Variants in PARD3 observed in about 807,000 individuals in gnomAD.
PARD3 encodes the protein partitioning defective 3 homolog.
Under a neutral mutation model 155.4 loss-of-function variants are expected in PARD3, and 75 were observed. The ratio of observed to expected loss-of-function variants is 0.48; its 90% CI spans 0.40 to 0.58. The LOEUF is 0.58. Ranked by LOEUF, PARD3 falls within the 20% of genes least tolerant of loss-of-function variation. The pLI, the probability that PARD3 is intolerant of heterozygous loss-of-function variation, is 0.00. For synonymous variants in PARD3, 576 were observed against 610.5 expected, an observed-to-expected ratio of 0.94 and a Z score of 0.83; for missense variants, 1,642 against 1,721.7, an observed-to-expected ratio of 0.95 and a Z score of 0.82.
At chr10:34,143,446 C>A (rs1948302136) in intron 22 of PARD3, among the ~76,000 whole-genome samples, 1 of 152,150 alleles carries the variant, frequency 6.6e-6, no homozygotes, top group Admixed American at 6.5e-5. Flanking sequence ...ATCATTCAGG[C>A]ATAGAAACTA....
At chr10:34,318,948 G>A (rs535267202) in intron 19 of PARD3, among the ~76,000 whole-genome samples, 1 of 150,722 alleles carries the variant, frequency 6.6e-6, no homozygotes, top group African/African-American at 2.4e-5. Flanking sequence ...TGTATTTTTA[G>A]TAGTTTTGTA....
chr10:34,300,787 T>A (rs1397963695), intron 20 of PARD3, among the ~76,000 whole-genome samples: 1 of 152,158 alleles, frequency 6.6e-6, no homozygotes, highest in African/African-American at 2.4e-5. Context: ...CGAAGATCCT[T>A]AACCCACAGA....
At chr10:34,587,173 G>A (rs1294041118) in intron 2 of PARD3, among the ~76,000 whole-genome samples, 1 of 152,026 alleles carries the variant, frequency 6.6e-6, no homozygotes, top group East Asian at 1.9e-4. Flanking sequence ...ACCCAGGCTG[G>A]AGGGCAGTGA....
At chr10:34,633,006 C>T (rs1397374789) in intron 2 of PARD3, among the ~76,000 whole-genome samples, 3 of 152,184 alleles carry the variant, frequency 2.0e-5, no homozygotes, top group African/African-American at 4.8e-5. Flanking sequence ...CCCAGGGGCT[C>T]GCCTGACTTG....
intron 2 of PARD3, among the ~76,000 whole-genome samples, chr10:34,635,508 G>C (rs921804207): frequency 6.6e-6 from 1 of 152,126 alleles, no homozygotes; most frequent in African/African-American, 2.4e-5. Context: ...AATGTGACAG[G>C]GTTGCTACAG....
rs114918129 is a variant in PARD3, at chr10:34,615,915, A to G, written c.222+80403T>C. Among the ~76,000 whole-genome samples the G allele has an allele frequency of 9.6e-3, 1,462 of 152,296 alleles. 26 individuals carry two copies. Among genetic ancestry groups the G allele is most frequent in the African/African-American group, 0.033 (1,369 of 41,562 alleles). On this transcript the variant is annotated intron_variant, in intron 2 of 24. Transcript: ENST00000374788. ...GATGTCATCTCACCCCAGTTAGAAT[A>G]GCTGTTACCAAAAAGACAAAAAATA...
At chr10:34,568,139 C>T (rs960634996) in intron 2 of PARD3, among the ~76,000 whole-genome samples, 1 of 152,182 alleles carries the variant, frequency 6.6e-6, no homozygotes, top group African/African-American at 2.4e-5. Context: ...CTGTTATCCA[C>T]AGTTCTTAGT....
At chr10:34,575,669 G>T (rs2086822828) in intron 2 of PARD3, among the ~76,000 whole-genome samples, 1 of 152,172 alleles carries the variant, frequency 6.6e-6, no homozygotes, top group African/African-American at 2.4e-5. Context: ...GCCAAGGTGG[G>T]CAGATCACCT....
intron 2 of PARD3, among the ~76,000 whole-genome samples, chr10:34,620,000 G>A (rs1367017775): frequency 6.6e-6 from 1 of 151,952 alleles, no homozygotes. Flanking sequence ...TTGAGGCCAG[G>A]CACCTGGGAT....
intron 2 of PARD3, among the ~76,000 whole-genome samples, chr10:34,623,041 T>A (rs2091782398): frequency 6.6e-6 from 1 of 152,082 alleles, no homozygotes; most frequent in South Asian, 2.1e-4. Context: ...ACAGGTCACA[T>A]GTGAAACTTC....
intron 5 of PARD3, among the ~76,000 whole-genome samples, chr10:34,444,765 C>T (rs1418296732): frequency 6.6e-6 from 1 of 152,150 alleles, no homozygotes; most frequent in Non-Finnish European, 1.5e-5. Flanking sequence ...AGGACCAATA[C>T]CACCCAAAGA....
rs1181235032 is a variant in PARD3, at chr10:34,736,673, T to A, written c.121-40254A>T. Among the ~76,000 whole-genome samples the A allele has an allele frequency of 3.3e-3, 498 of 151,522 alleles. 2 individuals carry two copies. The highest frequency in any genetic ancestry group is 0.011 in the African/African-American group (457 of 41,282). Reference sequence around the variant, plus strand: ...TAATTAATTTATTTATTTATTTATTTATTTATTTATTTATTTACTGAGACA... The same window carrying A: ...TAATTAATTTATTTATTTATTTATTAATTTATTTATTTATTTACTGAGACA... On this transcript the variant is annotated intron_variant, in intron 1 of 24. Transcript: ENST00000374788.
At chr10:34,158,417 T>G (rs145689784) in intron 22 of PARD3, among the ~76,000 whole-genome samples, 1 of 152,248 alleles carries the variant, frequency 6.6e-6, no homozygotes, top group Non-Finnish European at 1.5e-5. Flanking sequence ...GTGTGTTTGA[T>G]TCACGATTCT....
At chr10:34,666,060 AT>A in intron 2 of PARD3, among the ~76,000 whole-genome samples, 1 of 151,482 alleles carries the variant, frequency 6.6e-6, no homozygotes, top group African/African-American at 2.4e-5. Flanking sequence ...CAAAAAAAAA[AT>A]TAAATTAAAT....
chr10:34,613,132 G>A lies in PARD3; in HGVS notation c.222+83186C>T, dbSNP rs559421824. ...AAAGGCATGCTCAGAACTAGCCTAC[G>A]ATTGCTCAATCATTTCAAGTTATTT... On this transcript the variant is annotated intron_variant, in intron 2 of 24. Coordinates refer to ENST00000374788, the MANE Select transcript of PARD3 (RefSeq NM_001184785.2). Among the ~76,000 whole-genome samples the A allele has an allele frequency of 5.3e-5, 8 of 152,210 alleles. No homozygotes were observed. The East Asian group carries it at 5.8e-4, about 11-fold the overall frequency.
chr10:34,459,747 A>G (rs1354365218), intron 4 of PARD3, among the ~76,000 whole-genome samples: 9 of 152,160 alleles, frequency 5.9e-5, no homozygotes, highest in Admixed American at 5.2e-4. Flanking sequence ...ATATACATAT[A>G]TATTTAAATA....
intron 2 of PARD3, among the ~76,000 whole-genome samples, chr10:34,624,553 C>T (rs2091884052): frequency 6.6e-6 from 1 of 152,204 alleles, no homozygotes; most frequent in South Asian, 2.1e-4. Context: ...GTGCACTCAG[C>T]GGCTGATGTA....
At chr10:34,281,688 G>GA (rs1228029397) in intron 21 of PARD3, among the ~76,000 whole-genome samples, 4 of 151,962 alleles carry the variant, frequency 2.6e-5, no homozygotes, top group African/African-American at 9.7e-5. Flanking sequence ...TAACATTGAA[G>GA]AAAAAACATT....
intron 1 of PARD3, among the ~76,000 whole-genome samples, chr10:34,720,847 C>T (rs1017217529): frequency 7.2e-5 from 11 of 151,874 alleles, no homozygotes; most frequent in African/African-American, 2.2e-4. Flanking sequence ...ATGATAAAGA[C>T]ATCTGCCAGA....
Sources: allele counts gnomAD v4.1 joint callset (sites outside exome capture counted in the v4.1 genomes callset), GRCh38; gene constraint gnomAD v4.1.1; transcripts MANE v1.5; gene names NCBI Gene and HGNC (gene_info 2026-07-23, HGNC 2026-07-21).